Variants in TYW3 observed in about 807,000 individuals in gnomAD.
The protein encoded by TYW3 is tRNA-yW synthesizing protein 3 homolog.
TYW3 carries 26 observed loss-of-function variants against 23.1 expected under a neutral mutation model. The ratio of observed to expected loss-of-function variants is 1.13; its 90% CI spans 0.83 to 1.56. The LOEUF (loss-of-function observed/expected upper bound fraction) is 1.56. TYW3 is among the 40% of genes most tolerant of loss of function. The pLI is 0.00. For missense variants in TYW3, 316 were observed against 311.9 expected (o/e 1.01, Z -0.10); for synonymous variants, 102 against 105.7 (o/e 0.97, Z 0.21).
chr1:74,746,285 T>C (rs1019972633), intron 3 of TYW3, among the ~76,000 whole-genome samples: 9 of 152,216 alleles, frequency 5.9e-5, no homozygotes, highest in Non-Finnish European at 1.0e-4. Context: ...AACACGAGCA[T>C]TTAGAGACAG....
chr1:74,761,272 G>C (rs752150168), intron 5 of TYW3, among the ~76,000 whole-genome samples: 2 of 152,110 alleles, frequency 1.3e-5, no homozygotes, highest in Non-Finnish European at 2.9e-5. Context: ...TTCAGGAAAG[G>C]ATCTTTGTTC....
intron 5 of TYW3, among the ~76,000 whole-genome samples, chr1:74,758,399 A>T (rs1235100973): frequency 6.6e-6 from 1 of 152,176 alleles, no homozygotes; most frequent in African/African-American, 2.4e-5. Context: ...CTTGGTTCCA[A>T]TTCTTATCAT....
chr1:74,733,416 C>G lies in TYW3; in HGVS notation c.172C>G (p.Arg58Gly). The change falls in exon 1 of 6, where the codon CGG (arginine) becomes GGG (glycine). Residue 58 changes from arginine (R) to glycine (G), a missense_variant and splice_region_variant. Transcript: ENST00000370867. ...SCAGRILLLD[R>G]GINGFEVQKQ... ...CGCTGGCCGCATCCTACTCCTTGAC[C>G]GGGTGAGGCCCCTTTGCGCCTGTCC... 1.9e-6 allele frequency: 3 copies of G among 1,614,088 alleles called. No individual in the cohort carries two copies. Among genetic ancestry groups the G allele is most frequent in the South Asian group, 1.1e-5 (1 of 91,060 alleles).
rs952882063 is a variant in TYW3, at chr1:74,766,117, C to G, written c.*2004C>G. Reference sequence around the variant, plus strand: ...TGATGTGGTCATTGTAAAGCTGTAGCACAACACATTACCCACGTTTGTGGT... The same window carrying G: ...TGATGTGGTCATTGTAAAGCTGTAGGACAACACATTACCCACGTTTGTGGT... On this transcript the variant is annotated 3_prime_UTR_variant, in exon 6 of 6. Coordinates refer to ENST00000370867, the MANE Select transcript of TYW3 (RefSeq NM_138467.3). 2.0e-5 allele frequency: 3 copies of G among 152,008 alleles called. No individual in the cohort carries two copies. Among genetic ancestry groups the G allele is most frequent in the African/African-American group, 7.2e-5 (3 of 41,394 alleles). 9.4% of individuals were successfully genotyped at this position (152,008 alleles called of 1,614,324 possible). A position where few individuals can be genotyped will look rare whatever the true frequency, so the allele number is the denominator to read the frequency against.
intron 4 of TYW3, chr1:74,751,027 G>T (rs532066036): frequency 2.1e-4 from 32 of 152,100 alleles, no homozygotes; most frequent in African/African-American, 6.8e-4. Flanking sequence ...GGCCAGGCTG[G>T]TCTCGAACTC....
intron 5 of TYW3, among the ~76,000 whole-genome samples, chr1:74,758,659 G>A (rs1046267802): frequency 1.1e-4 from 16 of 148,218 alleles, no homozygotes; most frequent in Non-Finnish European, 2.1e-4. Flanking sequence ...CATTTTCATG[G>A]TTCTGATTCT....
chr1:74,755,238 T>TA (rs1648913091), intron 5 of TYW3, among the ~76,000 whole-genome samples: 1 of 152,232 alleles, frequency 6.6e-6, no homozygotes, highest in Admixed American at 6.5e-5. Context: ...CCAGTGGCAT[T>TA]AAGTGCATTC....
At chr1:74,745,841 C>A (rs896539637) in intron 3 of TYW3, among the ~76,000 whole-genome samples, 2 of 152,134 alleles carry the variant, frequency 1.3e-5, no homozygotes, top group African/African-American at 4.8e-5. Context: ...CCTTCTGAGG[C>A]CCTTGTCCTT....
At chr1:74,751,202 C>T (rs1389350131) in intron 4 of TYW3, 1 of 152,124 alleles carries the variant, frequency 6.6e-6, no homozygotes, top group Non-Finnish European at 1.5e-5. Context: ...AGTTCTTAGA[C>T]TCAGTTGCTT....
chr1:74,755,374 TC>T (rs1273380757), intron 5 of TYW3, among the ~76,000 whole-genome samples: 14 of 152,214 alleles, frequency 9.2e-5, no homozygotes, highest in Non-Finnish European at 1.6e-4. Flanking sequence ...TAATCACTAT[TC>T]TATTTTCTCT....
intron 1 of TYW3, 42 bp downstream of exon 1, chr1:74,733,460 C>G: frequency 1.2e-6 from 2 of 1,606,866 alleles, no homozygotes; most frequent in Non-Finnish European, 1.7e-6. Flanking sequence ...CCTTCTAGTG[C>G]GAAACTTCAG....
intron 3 of TYW3, among the ~76,000 whole-genome samples, chr1:74,744,347 C>A (rs1174225198): frequency 6.6e-6 from 1 of 151,874 alleles, no homozygotes; most frequent in Non-Finnish European, 1.5e-5. Context: ...CCATTTTTCC[C>A]CATCAGAGAG....
chr1:74,756,989 C>G (rs1344154954), intron 5 of TYW3, among the ~76,000 whole-genome samples: 1 of 152,244 alleles, frequency 6.6e-6, no homozygotes, highest in Non-Finnish European at 1.5e-5. Context: ...ACCTTGGCAG[C>G]TTCCATGTGG....
intron 2 of TYW3, among the ~76,000 whole-genome samples, chr1:74,737,936 T>G (rs1222778702): frequency 6.6e-6 from 1 of 152,170 alleles, no homozygotes; most frequent in East Asian, 1.9e-4. Context: ...AGTGATGGCA[T>G]GTACCCCACT....
intron 5 of TYW3, among the ~76,000 whole-genome samples, chr1:74,762,055 T>C (rs997738075): frequency 2.0e-5 from 3 of 152,134 alleles, no homozygotes; most frequent in Non-Finnish European, 4.4e-5. Context: ...TAACTCTGTG[T>C]CTGTTTTTGA....
rs913701126 is a variant in TYW3 at position 74,765,029 on chromosome 1, C to G, written c.*916C>G. ...CATATCAGAATTACCTAGGTCAGGA[C>G]GAGGCATGGAGATGCTACTTTAATA... On this transcript the variant is annotated 3_prime_UTR_variant, in exon 6 of 6. Coordinates refer to ENST00000370867, the MANE Select transcript of TYW3 (RefSeq NM_138467.3). The G allele has an allele frequency of 1.3e-5, 2 of 152,008 alleles. No homozygotes were observed. The highest frequency in any genetic ancestry group is 2.9e-5 in the Non-Finnish European group (2 of 68,010). The allele number at this position is 152,008 out of a possible 1,614,324, so 9.4% of individuals were successfully genotyped here.
intron 3 of TYW3, among the ~76,000 whole-genome samples, chr1:74,747,868 T>TACACATACAC (rs1417681883): frequency 3.3e-5 from 4 of 119,918 alleles, no homozygotes; most frequent in Non-Finnish European, 6.5e-5. Context: ...TATGTATACA[T>TACACATACAC]ACACATACAC....
chr1:74,758,108 G>T (rs1649013170), intron 5 of TYW3, among the ~76,000 whole-genome samples: 1 of 152,190 alleles, frequency 6.6e-6, no homozygotes, highest in Admixed American at 6.5e-5. Flanking sequence ...AATTTCTGTT[G>T]TATCACTTTG....
Position 74,766,677 on chromosome 1 carries a change from A to T in TYW3, c.*2564A>T, listed in dbSNP as rs1296768327. 46 of 152,160 alleles carry T rather than the reference A, an allele frequency of 3.0e-4. No individual in the cohort carries two copies. Among genetic ancestry groups the T allele is most frequent in the Admixed American group, 3.0e-3 (46 of 15,268 alleles). The allele number at this position is 152,160 out of a possible 1,614,324, so 9.4% of individuals were successfully genotyped here. A position where few individuals can be genotyped will look rare whatever the true frequency, so the allele number is the denominator to read the frequency against. On this transcript the variant is annotated 3_prime_UTR_variant, in exon 6 of 6. Coordinates refer to ENST00000370867, the MANE Select transcript of TYW3 (RefSeq NM_138467.3). ...GAAGAAATAAAACATTTTTAATGAA[A>T]TTTTGTGTAGTCTTAGTGTCCAGTG...
Sources: gnomAD v4.1 joint callset for allele counts (sites outside exome capture counted in the v4.1 genomes callset) on GRCh38, gnomAD v4.1.1 for gene constraint, MANE v1.5 for transcripts, NCBI Gene and HGNC (gene_info 2026-07-23, HGNC 2026-07-21) for gene names.